MTFR1: variants seen among roughly 807,000 people sequenced by gnomAD.
MTFR1 encodes the protein mitochondrial fission regulator 1, also known as chondrocyte protein with a poly-proline region.
Under a neutral mutation model 38.8 loss-of-function variants are expected in MTFR1, and 28 were observed. The observed-to-expected ratio is 0.72, with a 90% CI of 0.53 to 0.99. MTFR1 has a LOEUF of 0.99. Among genes scored for constraint, MTFR1 ranks in the 50% least tolerant of loss-of-function variants. MTFR1 has a pLI of 0.00. For missense variants in MTFR1, 358 were observed against 395.5 expected (o/e 0.91, Z 0.81); for synonymous variants, 145 against 137.0 (o/e 1.06, Z -0.41).
chr8:65,758,093 T>C (rs188430783), intron 3 of MTFR1, among the ~76,000 whole-genome samples: 1 of 152,228 alleles, frequency 6.6e-6, no homozygotes, highest in Admixed American at 6.5e-5. Context: ...AGATTGCTGG[T>C]TGTAATACTA....
intron 3 of MTFR1, among the ~76,000 whole-genome samples, chr8:65,726,711 G>T (rs896308626): frequency 6.6e-6 from 1 of 152,072 alleles, no homozygotes; most frequent in African/African-American, 2.4e-5. Context: ...CTATATAGTA[G>T]GATAGCTCTA....
At chr8:65,770,522 A>G (rs1809033564) in intron 3 of MTFR1, among the ~76,000 whole-genome samples, 1 of 152,224 alleles carries the variant, frequency 6.6e-6, no homozygotes, top group African/African-American at 2.4e-5. Context: ...CCCCTCCCAG[A>G]ACACATGGGA....
chr8:65,647,817 AT>A (rs1360727998), intron 1 of MTFR1, among the ~76,000 whole-genome samples: 1 of 147,834 alleles, frequency 6.8e-6, no homozygotes, highest in Non-Finnish European at 1.5e-5. Flanking sequence ...AAAAAAAAAA[AT>A]GACACTATAA....
chr8:65,683,582 G>C (rs965328651), intron 3 of MTFR1, among the ~76,000 whole-genome samples: 5 of 152,084 alleles, frequency 3.3e-5, no homozygotes, highest in Non-Finnish European at 5.9e-5. Flanking sequence ...TTAAATAATA[G>C]ATTAACATGT....
chr8:65,708,141 C>A (rs1368845866), intron 7 of MTFR1, 130 bp downstream of exon 7: 1 of 1,582,996 alleles, frequency 6.3e-7, no homozygotes. Context: ...GATTTGGTCC[C>A]TGCCTTACAA....
At chr8:65,668,729 G>T (rs113615674) in intron 1 of MTFR1, among the ~76,000 whole-genome samples, 1 of 151,864 alleles carries the variant, frequency 6.6e-6, no homozygotes, top group Non-Finnish European at 1.5e-5. Context: ...GGCCAGGCTG[G>T]TCTCAAACTC....
intron 1 of MTFR1, among the ~76,000 whole-genome samples, chr8:65,654,005 G>C (rs1429641057): frequency 1.3e-5 from 2 of 150,422 alleles, no homozygotes; most frequent in Admixed American, 1.3e-4. Flanking sequence ...TAGGGCTGCA[G>C]TGAGCTCTGA....
chr8:65,747,098 C>A (rs1316827213), intron 3 of MTFR1, among the ~76,000 whole-genome samples: 1 of 152,148 alleles, frequency 6.6e-6, no homozygotes, highest in Non-Finnish European at 1.5e-5. Context: ...AACTATGATA[C>A]ATCTAAACCC....
intron 3 of MTFR1, among the ~76,000 whole-genome samples, chr8:65,721,168 A>G (rs1351667257): frequency 6.6e-6 from 1 of 152,174 alleles, no homozygotes; most frequent in African/African-American, 2.4e-5. Context: ...CTGTTCAACC[A>G]TTTGTGACTC....
downstream of MTFR1, chr8:65,714,413 G>T (rs1224720554): frequency 6.6e-6 from 1 of 152,018 alleles, no homozygotes; most frequent in East Asian, 1.9e-4. Flanking sequence ...GAAGATGGAG[G>T]AGACCTGCTG....
intron 3 of MTFR1, among the ~76,000 whole-genome samples, chr8:65,768,369 G>A (rs1341865473): frequency 6.6e-6 from 1 of 152,170 alleles, no homozygotes; most frequent in Non-Finnish European, 1.5e-5. Flanking sequence ...CTGGTAGGAG[G>A]TAGTTGAATC....
intron 4 of MTFR1, among the ~76,000 whole-genome samples, chr8:65,700,511 T>C (rs1474252791): frequency 6.6e-6 from 1 of 152,220 alleles, no homozygotes; most frequent in Non-Finnish European, 1.5e-5. Flanking sequence ...CTCTTTTCTG[T>C]ACACATTTTC....
chr8:65,739,654 T>A, intron 3 of MTFR1: 1 of 1,359,946 alleles, frequency 7.4e-7, no homozygotes, highest in Non-Finnish European at 9.6e-7. Flanking sequence ...CACAATTATA[T>A]TATGCTTTGA....
At chr8:65,730,329 C>T (rs990325186) in intron 3 of MTFR1, among the ~76,000 whole-genome samples, 8 of 151,084 alleles carry the variant, frequency 5.3e-5, no homozygotes, top group African/African-American at 1.5e-4. Context: ...TACAGGCATG[C>T]GCCACCACAA....
intron 3 of MTFR1, among the ~76,000 whole-genome samples, chr8:65,731,311 A>G (rs1292710783): frequency 1.3e-5 from 2 of 152,184 alleles, no homozygotes; most frequent in Non-Finnish European, 2.9e-5. Flanking sequence ...TGCGGGGGCC[A>G]GGGAGGGACG....
intron 3 of MTFR1, chr8:65,747,679 T>C: frequency 2.5e-6 from 4 of 1,610,212 alleles, no homozygotes; most frequent in Non-Finnish European, 3.4e-6. Context: ...AATCATCATC[T>C]AAAATGTTTA....
chr8:65,733,200 T>C (rs1035534400), intron 3 of MTFR1, among the ~76,000 whole-genome samples: 9 of 152,206 alleles, frequency 5.9e-5, no homozygotes, highest in African/African-American at 1.9e-4. Context: ...ATCATGTTTT[T>C]ATTAATTTTT....
intron 3 of MTFR1, chr8:65,724,814 C>T: frequency 6.2e-7 from 1 of 1,611,510 alleles, no homozygotes; most frequent in Non-Finnish European, 8.5e-7. Context: ...GTCTTCTAGG[C>T]ATAAATCACC....
chr8:65,646,954 G>T (rs1808978199), intron 1 of MTFR1, among the ~76,000 whole-genome samples: 1 of 152,184 alleles, frequency 6.6e-6, no homozygotes, highest in African/African-American at 2.4e-5. Context: ...CAGTAGAGAA[G>T]GACTATTAGC....
Sources: allele counts gnomAD v4.1 joint callset (sites outside exome capture counted in the v4.1 genomes callset), GRCh38; gene constraint gnomAD v4.1.1; transcripts MANE v1.5; gene names NCBI Gene and HGNC (gene_info 2026-07-23, HGNC 2026-07-21).